Variants in PMM2 observed in about 807,000 individuals in gnomAD.
The protein encoded by PMM2 is phosphomannomutase 2.
PMM2 carries 35 observed loss-of-function variants against 33.2 expected under a neutral mutation model. The ratio of observed to expected loss-of-function variants is 1.06; its 90% CI spans 0.81 to 1.40. The LOEUF is 1.40. Among genes scored for constraint, PMM2 ranks in the 40% most tolerant of loss-of-function variants. The pLI is 0.00. For missense variants in PMM2, 386 were observed against 306.0 expected, an observed-to-expected ratio of 1.26 and a Z score of -1.95; for synonymous variants, 153 against 114.7, an observed-to-expected ratio of 1.33 and a Z score of -2.13.
chr16:8,802,121 T>G (rs1255768602), intron 2 of PMM2: 2 of 552,006 alleles, frequency 3.6e-6, no homozygotes, highest in Non-Finnish European at 6.9e-6. Context: ...GGTACTCAGA[T>G]GTGTGAGTAG....
chr16:8,832,880 G>C (rs1596500308), intron 7 of PMM2: 1 of 985,308 alleles, frequency 1.0e-6, no homozygotes, highest in Non-Finnish European at 1.2e-6. Flanking sequence ...TCAGATGCCA[G>C]GGTTCCCTCA....
intron 7 of PMM2, among the ~76,000 whole-genome samples, chr16:8,837,656 G>A (rs928356866): frequency 5.3e-5 from 8 of 151,822 alleles, no homozygotes; most frequent in African/African-American, 2.4e-5. Flanking sequence ...ATGGGGTTGG[G>A]GTACTTACCC....
rs200464135 is a variant in PMM2, at chr16:8,847,843, C to T, written c.*18C>T. Reference sequence around the variant, plus strand: ...TCTCCTAACGTGGGAGCGGGAGGGGCGGGGTCCCGGCTGACAAGCCAGCAT... The same window carrying T: ...TCTCCTAACGTGGGAGCGGGAGGGGTGGGGTCCCGGCTGACAAGCCAGCAT... On this transcript the variant is annotated 3_prime_UTR_variant, in exon 8 of 8. Coordinates refer to ENST00000268261, the MANE Select transcript of PMM2 (RefSeq NM_000303.3). The T allele has an allele frequency of 3.5e-5, 55 of 1,584,340 alleles. No individual in the cohort carries two copies. Among genetic ancestry groups the T allele is most frequent in the South Asian group, 1.7e-4 (15 of 90,468 alleles).
intron 7 of PMM2, among the ~76,000 whole-genome samples, chr16:8,824,416 G>T (rs2060754721): frequency 6.6e-6 from 1 of 152,122 alleles, no homozygotes; most frequent in African/African-American, 2.4e-5. Context: ...CAGTCAACAA[G>T]GAAATCTGGT....
At chr16:8,844,090 C>G (rs889239128) in intron 7 of PMM2, among the ~76,000 whole-genome samples, 1 of 152,094 alleles carries the variant, frequency 6.6e-6, no homozygotes, top group Non-Finnish European at 1.5e-5. Context: ...TTAGATCTTG[C>G]AGGATGGAAA....
intron 4 of PMM2, chr16:8,808,425 G>C (rs2060658678): frequency 6.6e-6 from 1 of 152,020 alleles, no homozygotes; most frequent in Admixed American, 6.6e-5. Flanking sequence ...TTTAGCGAGG[G>C]AGAGGGATGT....
intron 7 of PMM2, among the ~76,000 whole-genome samples, chr16:8,819,544 A>G (rs1323045077): frequency 6.6e-6 from 1 of 152,016 alleles, no homozygotes; most frequent in Non-Finnish European, 1.5e-5. Flanking sequence ...TTTTAAATCA[A>G]CTTGAGAAAA....
chr16:8,814,153 T>C (rs959063045), intron 7 of PMM2, among the ~76,000 whole-genome samples: 23 of 151,970 alleles, frequency 1.5e-4, no homozygotes, highest in Non-Finnish European at 3.4e-4. Context: ...AGGTGTGATT[T>C]TTAGTACAGA....
intron 7 of PMM2, among the ~76,000 whole-genome samples, chr16:8,827,459 G>A (rs1219506673): frequency 2.0e-5 from 3 of 149,970 alleles, no homozygotes; most frequent in Non-Finnish European, 4.4e-5. Context: ...GCAATGGCAT[G>A]ATCTAAGCTC....
intron 7 of PMM2, among the ~76,000 whole-genome samples, chr16:8,840,301 G>T (rs554527668): frequency 6.6e-6 from 1 of 152,008 alleles, no homozygotes. Context: ...TGCCAGCAAA[G>T]ATCATCTATC....
intron 7 of PMM2, among the ~76,000 whole-genome samples, chr16:8,840,848 G>C (rs1164617203): frequency 6.6e-6 from 1 of 151,976 alleles, no homozygotes; most frequent in Non-Finnish European, 1.5e-5. Context: ...CGTCCAGCTA[G>C]GGTGTCTTCA....
At chr16:8,806,625 T>C in intron 4 of PMM2, 1 of 592,262 alleles carries the variant, frequency 1.7e-6, no homozygotes, top group South Asian at 1.9e-5. Flanking sequence ...GTGCTGCTGG[T>C]TCACAGCAGG....
chr16:8,804,038 T>TG (rs2060632348), intron 2 of PMM2, among the ~76,000 whole-genome samples: 1 of 43,294 alleles, frequency 2.3e-5, no homozygotes, highest in Non-Finnish European at 7.0e-5. Flanking sequence ...TTTGTTTTTT[T>TG]TTTTTTTTTT....
chr16:8,808,923 C>G (rs937783484), intron 4 of PMM2: 1 of 152,346 alleles, frequency 6.6e-6, no homozygotes, highest in Non-Finnish European at 1.5e-5. Context: ...TCATTTGCCT[C>G]TTTCTCTGCA....
chr16:8,804,883 A>C, intron 3 of PMM2, 40 bp downstream of exon 3: 1 of 1,306,038 alleles, frequency 7.7e-7, no homozygotes, highest in Non-Finnish European at 1.1e-6. Context: ...TACTATTAAA[A>C]GTGTTTTCTA....
At position 8,813,151 on chromosome 16, in the gene PMM2, T is replaced by C. The variant is rs570285792; in HGVS notation, c.639+45T>C. The C allele has an allele frequency of 5.0e-6, 6 of 1,201,012 alleles. No individual in the cohort carries two copies. In the African/African-American group the frequency reaches 7.4e-5, roughly 15 times the overall value. The allele number at this position is 1,201,012 out of a possible 1,614,324, so 74.4% of individuals were successfully genotyped here. ...TGCACCTTCATTGTTGCATTTGCGC[T>C]TGATGGGGGAAATTGACAACTGGGC... is the stretch of plus-strand genomic sequence containing the variant. On this transcript the variant is annotated intron_variant, in intron 7 of 7. Transcript: ENST00000268261.
intron 7 of PMM2, among the ~76,000 whole-genome samples, chr16:8,833,564 A>C (rs934046573): frequency 6.6e-6 from 1 of 151,494 alleles, no homozygotes; most frequent in African/African-American, 2.4e-5. Context: ...AGAATGGACG[A>C]TGTTTCTCAG....
At chr16:8,814,753 T>C (rs2060696994) in intron 7 of PMM2, among the ~76,000 whole-genome samples, 1 of 152,246 alleles carries the variant, frequency 6.6e-6, no homozygotes, top group African/African-American at 2.4e-5. Context: ...TATTTAACGC[T>C]CACAGTTTCG....
At chr16:8,820,157 A>C in intron 7 of PMM2, among the ~76,000 whole-genome samples, 1 of 152,154 alleles carries the variant, frequency 6.6e-6, no homozygotes, top group East Asian at 1.9e-4. Context: ...AGATTGTGCC[A>C]TTGCACTCCA....
Sources: allele counts gnomAD v4.1 joint callset (sites outside exome capture counted in the v4.1 genomes callset), GRCh38; gene constraint gnomAD v4.1.1; transcripts MANE v1.5; gene names NCBI Gene and HGNC (gene_info 2026-07-23, HGNC 2026-07-21).